Variants in ATM observed in about 807,000 individuals in gnomAD.
ATM encodes ATM serine/threonine kinase, also known as serine-protein kinase ATM.
A neutral mutation model predicts 387.0 loss-of-function variants in ATM; 308 were observed. The observed-to-expected ratio is 0.80, with a 90% CI of 0.73 to 0.87. The LOEUF (loss-of-function observed/expected upper bound fraction) is 0.87, where lower values mean the gene tolerates loss of function less well. Ranked by LOEUF, ATM falls within the 40% of genes least tolerant of loss-of-function variation. The pLI, the probability that ATM is intolerant of heterozygous loss-of-function variation, is 0.00. For synonymous variants in ATM, 1,156 were observed against 1,187.3 expected (o/e 0.97, Z 0.54); for missense variants, 3,312 against 3,560.9 (o/e 0.93, Z 1.78).
In ATM at chr11:108,314,005, AT is replaced by A. The variant is rs1365204474; in HGVS notation, c.6006+1509del. ...ACTTTATCCATATCAAATTTTACCA[AT>A]TCCAATACAGTTTTGTGCTATTTTT... On this transcript the variant is annotated intron_variant, in intron 40 of 62. Transcript: ENST00000675843. 2.0e-5 allele frequency among the ~76,000 whole-genome samples: 3 copies of A among 152,310 alleles called. No individual in the cohort carries two copies. In the South Asian group the frequency reaches 6.2e-4, roughly 32 times the overall value.
At chr11:108,240,610 G>A (rs926749744) in intron 5 of ATM, among the ~76,000 whole-genome samples, 2 of 152,190 alleles carry the variant, frequency 1.3e-5, no homozygotes, top group Non-Finnish European at 2.9e-5. Flanking sequence ...ACAATGGCAA[G>A]TATTTGTGTC....
chr11:108,277,643 C>T (rs557478812), intron 22 of ATM, among the ~76,000 whole-genome samples: 13 of 152,224 alleles, frequency 8.5e-5, no homozygotes, highest in African/African-American at 3.1e-4. Context: ...GGGAGTTCCC[C>T]GACCCCTTGT....
At position 108,253,855 on chromosome 11, in the gene ATM, A is replaced by G; in HGVS notation, c.1940A>G (p.Glu647Gly). 1 of 1,614,004 alleles carries G rather than the reference A, an allele frequency of 6.2e-7. No homozygotes were observed. Among genetic ancestry groups the G allele is most frequent in the Non-Finnish European group, 8.5e-7 (1 of 1,179,946 alleles). Residue 647 changes from glutamate to glycine, a missense_variant, in exon 13 of 63, where the codon GAA becomes GGA. Glu to Gly is a moderately conservative substitution (Grantham distance 98). Transcript: ENST00000675843. ...QKDKEELSFS[E>G]VEELFLQTTF... is the part of the protein sequence containing the mutation. ...GATAAAGAAGAACTTTCATTCTCAG[A>G]AGTAGAAGAACTATTTCTTCAGACA...
intron 28 of ATM, 60 bp from the exon 29 acceptor site, chr11:108,289,542 T>C (rs2135757902): frequency 8.1e-7 from 1 of 1,239,134 alleles, no homozygotes; most frequent in Non-Finnish European, 1.1e-6. Flanking sequence ...ATATAAAGTG[T>C]ATTTATTGTA....
Position 108,256,249 on chromosome 11 carries a change from G to A in ATM, c.2159G>A (p.Arg720His), listed in dbSNP as rs55830714. Residue 720 changes from arginine (R) to histidine (H), a missense_variant, in exon 14 of 63, where the codon CGT (arginine) becomes CAT (histidine). Around this residue, in one of 4 missense-constraint regions of ATM, gnomAD observed 1,791 missense variants for 1,804.5 expected, o/e 0.99. Transcript: ENST00000675843. ...TNSETLVRCSRLLVGVLGCYC... is the reference protein window; with the variant it reads ...TNSETLVRCSHLLVGVLGCYC... The stretch of plus-strand genomic sequence containing the variant: ...TCAGAAACTCTTGTCCGGTGTTCAC[G>A]TCTTTTGGTGGGTGTCCTTGGCTGC... 80 of 1,609,484 alleles carry A rather than the reference G, an allele frequency of 5.0e-5. No homozygotes were observed. In the East Asian group the frequency reaches 6.0e-4, roughly 12 times the overall value.
At chr11:108,295,212 T>A (rs2135841734) in intron 32 of ATM, 153 bp downstream of exon 32, 2 of 952,142 alleles carry the variant, frequency 2.1e-6, no homozygotes, top group Non-Finnish European at 3.3e-6. Context: ...GTAAAACTGG[T>A]CCTAACTGGT....
chr11:108,312,094 T>G (rs2084212202), intron 39 of ATM, among the ~76,000 whole-genome samples: 1 of 152,182 alleles, frequency 6.6e-6, no homozygotes, highest in Admixed American at 6.5e-5. Flanking sequence ...GAATTTCAGG[T>G]GAAACCACTG....
rs768737262 is a variant in ATM at position 108,315,920 on chromosome 11, C to A, written c.6095+9C>A. ...TTACAACCCATTACTAGGTAAATTG[C>A]ATTTTTCTAAACAACGGTATAGTAA... On this transcript the variant is annotated intron_variant, in intron 41 of 62. Coordinates refer to ENST00000675843, the MANE Select transcript of ATM (RefSeq NM_000051.4). The A allele has an allele frequency of 1.2e-6, 2 of 1,609,402 alleles. No homozygotes were observed. The highest frequency in any genetic ancestry group is 2.7e-5 in the African/African-American group (2 of 74,788).
intron 61 of ATM, 122 bp downstream of exon 61, chr11:108,354,996 A>G (rs2089723259): frequency 2.4e-6 from 2 of 840,878 alleles, no homozygotes; most frequent in East Asian, 5.0e-5. Flanking sequence ...GTGGCTGGGC[A>G]GCAGAAAGGA....
chr11:108,279,119 A>T (rs1351929172), intron 22 of ATM, among the ~76,000 whole-genome samples: 2 of 152,242 alleles, frequency 1.3e-5, no homozygotes, highest in Non-Finnish European at 2.9e-5. Flanking sequence ...TTTCAGAGTG[A>T]TTAAATGTTA....
intron 40 of ATM, among the ~76,000 whole-genome samples, chr11:108,314,152 G>C (rs936242107): frequency 6.6e-6 from 1 of 151,874 alleles, no homozygotes; most frequent in East Asian, 1.9e-4. Context: ...ATCTGGCTCT[G>C]TTGCCCAGGC....
At chr11:108,351,560 C>T (rs2089201422) in intron 59 of ATM, among the ~76,000 whole-genome samples, 1 of 152,194 alleles carries the variant, frequency 6.6e-6, no homozygotes, top group Non-Finnish European at 1.5e-5. Context: ...TCTTAAGACT[C>T]AGCTGGGCCA....
intron 25 of ATM, among the ~76,000 whole-genome samples, chr11:108,283,715 C>T (rs190891811): frequency 5.3e-5 from 8 of 152,232 alleles, no homozygotes; most frequent in East Asian, 3.9e-4. Flanking sequence ...TAAATTTACG[C>T]GTACTCAAGT....
intron 8 of ATM, 48 bp from the exon 9 acceptor site, chr11:108,248,885 G>T: frequency 1.4e-6 from 2 of 1,423,640 alleles, no homozygotes; most frequent in Non-Finnish European, 1.9e-6. Flanking sequence ...CGAAACTCTG[G>T]CTCAAAAAAA....
intron 42 of ATM, 129 bp from the exon 43 acceptor site, chr11:108,317,244 T>A (rs899948487): frequency 3.2e-6 from 3 of 927,700 alleles, no homozygotes; most frequent in Non-Finnish European, 4.9e-6. Context: ...CAGCTGATAT[T>A]TTGGGATTTT....
chr11:108,241,772 T>C (rs1487843059), intron 5 of ATM, among the ~76,000 whole-genome samples: 1 of 116,448 alleles, frequency 8.6e-6, no homozygotes, highest in African/African-American at 3.3e-5. Flanking sequence ...TTTTTTGAGA[T>C]AGGGCCTCAC....
chr11:108,363,098 A>G (rs940846097), intron 61 of ATM, among the ~76,000 whole-genome samples: 2 of 152,170 alleles, frequency 1.3e-5, no homozygotes, highest in African/African-American at 2.4e-5. Flanking sequence ...GATTGTTCCA[A>G]TCTTCAAGAA....
chr11:108,363,616 A>G (rs554404440), intron 61 of ATM, among the ~76,000 whole-genome samples: 106 of 152,256 alleles, frequency 7.0e-4, no homozygotes, highest in African/African-American at 2.5e-3. Context: ...CAGAATGTAC[A>G]AGTTAGCCCC....
intron 4 of ATM, among the ~76,000 whole-genome samples, chr11:108,232,527 CTTTTTTTT>C (rs71047685): frequency 1.5e-4 from 9 of 58,212 alleles, no homozygotes; most frequent in Middle Eastern, 0.016. Flanking sequence ...GATTTCTCTC[CTTTTTTTT>C]TTTTTTTTTT....
Sources: allele counts gnomAD v4.1 joint callset (sites outside exome capture counted in the v4.1 genomes callset), GRCh38; gene constraint gnomAD v4.1.1; regional missense constraint gnomAD v4.1.1; transcripts MANE v1.5; gene names NCBI Gene and HGNC (gene_info 2026-07-23, HGNC 2026-07-21).